The following SCARB1 variants were observed in gnomAD, a reference collection of about 807,000 sequenced individuals.
The protein encoded by SCARB1 is scavenger receptor class B member 1.
Under a neutral mutation model 57.2 loss-of-function variants are expected in SCARB1, and 30 were observed. The observed-to-expected ratio is 0.52, with a 90% CI of 0.39 to 0.71. SCARB1 has a LOEUF of 0.71. Among genes scored for constraint, SCARB1 ranks in the 30% least tolerant of loss-of-function variants. The pLI, the probability that SCARB1 is intolerant of heterozygous loss-of-function variation, is 0.00. For missense variants in SCARB1, 543 were observed against 671.2 expected, an observed-to-expected ratio of 0.81 and a Z score of 2.11; for synonymous variants, 249 against 268.3, an observed-to-expected ratio of 0.93 and a Z score of 0.70.
chr12:124,804,919 A>C (rs1950270540), intron 7 of SCARB1, among the ~76,000 whole-genome samples: 1 of 152,218 alleles, frequency 6.6e-6, no homozygotes, highest in Admixed American at 6.5e-5. Flanking sequence ...TCAATTTCCT[A>C]AGTACAGAAC....
chr12:124,816,044 C>T (rs1950701528), intron 2 of SCARB1, among the ~76,000 whole-genome samples: 1 of 152,160 alleles, frequency 6.6e-6, no homozygotes, highest in African/African-American at 2.4e-5. Flanking sequence ...AGCCTTCAGA[C>T]CTTTGCACAT....
chr12:124,799,132 T>C (rs1418082434), intron 8 of SCARB1, among the ~76,000 whole-genome samples: 1 of 152,236 alleles, frequency 6.6e-6, no homozygotes, highest in Admixed American at 6.5e-5. Flanking sequence ...GTAATGCATA[T>C]GTTAATTGGC....
In SCARB1 at chr12:124,810,482, C is replaced by T. The variant is rs61762481; in HGVS notation, c.727-193G>A. Among the ~76,000 whole-genome samples the T allele has an allele frequency of 0.064, 9,720 of 152,232 alleles. 368 individuals are homozygous for T. Among genetic ancestry groups the T allele is most frequent in the African/African-American group, 0.1 (4,247 of 41,534 alleles). ...TACCACAGCTTCCCCCTCCCAGACC[C>T]CTGAATGTGTAACTTCGCTAGGGAC... On this transcript the variant is annotated intron_variant, in intron 5 of 12. Coordinates refer to ENST00000261693, the MANE Select transcript of SCARB1 (RefSeq NM_005505.5). The surrounding 1 kb of genome is among the most constrained non-coding windows in gnomAD (Gnocchi z 4.0).
At chr12:124,855,447 A>G (rs1952588369) in intron 1 of SCARB1, among the ~76,000 whole-genome samples, 1 of 152,198 alleles carries the variant, frequency 6.6e-6, no homozygotes, top group Non-Finnish European at 1.5e-5. Flanking sequence ...TTAAGGCTTC[A>G]AAGTCAAGAA....
intron 7 of SCARB1, among the ~76,000 whole-genome samples, chr12:124,802,168 CAT>C (rs1950157126): frequency 1.5e-5 from 2 of 133,160 alleles, no homozygotes; most frequent in African/African-American, 2.7e-5. Flanking sequence ...AAAAAAAAGA[CAT>C]AGTTAAAAAA....
At chr12:124,809,662 T>C (rs1950452816) in intron 6 of SCARB1, among the ~76,000 whole-genome samples, 1 of 152,138 alleles carries the variant, frequency 6.6e-6, no homozygotes, top group Admixed American at 6.5e-5. Flanking sequence ...CATGAGTGAA[T>C]TCCTAAGTAA....
At position 124,778,248 on chromosome 12, in the gene SCARB1, C is replaced by T. The variant is rs185476302; in HGVS notation, c.*339G>A. 13 of 407,682 alleles carry T rather than the reference C, an allele frequency of 3.2e-5. No individual in the cohort carries two copies. The highest frequency in any genetic ancestry group is 5.5e-5 in the Non-Finnish European group (13 of 236,956). 25.3% of individuals were successfully genotyped at this position (407,682 alleles called of 1,614,324 possible). On this transcript the variant is annotated 3_prime_UTR_variant, in exon 13 of 13. Transcript: ENST00000261693. ...ACGGCTGAACGGGACAGGCCAGGCTCACCCGAGGAAGGGGACGCAGGACCC... is the reference window on the plus strand; with the variant it reads ...ACGGCTGAACGGGACAGGCCAGGCTTACCCGAGGAAGGGGACGCAGGACCC...
At chr12:124,845,430 C>G (rs1206665976) in intron 1 of SCARB1, among the ~76,000 whole-genome samples, 1 of 151,318 alleles carries the variant, frequency 6.6e-6, no homozygotes, top group African/African-American at 2.4e-5. Flanking sequence ...CACGGTGGCT[C>G]AGGCCTGTAA....
intron 1 of SCARB1, among the ~76,000 whole-genome samples, chr12:124,849,764 C>T (rs191794482): frequency 6.6e-6 from 1 of 152,350 alleles, no homozygotes; most frequent in East Asian, 1.9e-4. Flanking sequence ...ATGAAACTTT[C>T]CCCGTTAGAG....
At chr12:124,838,962 A>T (rs891023892) in intron 1 of SCARB1, among the ~76,000 whole-genome samples, 4 of 151,666 alleles carry the variant, frequency 2.6e-5, no homozygotes, top group African/African-American at 9.7e-5. Context: ...TTTAGTAGAG[A>T]CGGGGTTTCA....
At position 124,811,927 on chromosome 12, in the gene SCARB1, C is replaced by T. The variant is rs780178642; in HGVS notation, c.669G>A (p.Thr223=). 8.7e-6 allele frequency: 14 copies of T among 1,613,292 alleles called. No individual in the cohort carries two copies. Among genetic ancestry groups the T allele is most frequent in the Non-Finnish European group, 1.2e-5 (14 of 1,179,692 alleles). ...NSDSGLFTVF[T]GVQNISRIHL... ...GGATCCTGCTGATGTTCTGGACCCC[C>T]GTGAACACCGTGAAGAGCCCAGAGT... Residue 223 remains threonine, a synonymous_variant, in exon 5 of 13, where the codon ACG becomes ACA. Coordinates refer to ENST00000261693, the MANE Select transcript of SCARB1 (RefSeq NM_005505.5).
chr12:124,818,211 G>A (rs1950817071), intron 1 of SCARB1, among the ~76,000 whole-genome samples: 1 of 152,218 alleles, frequency 6.6e-6, no homozygotes, highest in Admixed American at 6.5e-5. Context: ...TACCATAGCG[G>A]AGGAAAGGCA....
chr12:124,817,647 AG>A lies in SCARB1; in HGVS notation c.186del (p.Phe63SerfsTer11). 1 of 1,614,204 alleles carries A rather than the reference AG, an allele frequency of 6.2e-7. No individual in the cohort carries two copies. The highest frequency in any genetic ancestry group is 1.1e-5 in the South Asian group (1 of 91,088). ...SFNMWKEIPI[P>X]FYLSVYFFDV... is the part of the protein sequence containing the mutation. ...TCAAAGAAGTAGACGGAGAGATAGA[AG>A]GGGATAGGGATCTCCTTCCACATGT... On this transcript the variant is annotated frameshift_variant, in exon 2 of 13. Coordinates refer to ENST00000261693, the MANE Select transcript of SCARB1 (RefSeq NM_005505.5). LOFTEE classifies it high-confidence loss of function. The surrounding 1 kb of genome is among the most constrained non-coding windows in gnomAD (Gnocchi z 4.8).
In SCARB1 at chr12:124,827,123, G is replaced by A. The variant is rs972202156; in HGVS notation, c.127-9416C>T. Among the ~76,000 whole-genome samples, 3 of 152,270 alleles carry A rather than the reference G, an allele frequency of 2.0e-5. No individual in the cohort carries two copies. The East Asian group carries it at 5.8e-4, about 29-fold the overall frequency. The stretch of plus-strand genomic sequence containing the variant: ...TCCAACTGTAGCAGGACAAGTCACA[G>A]ACAAAACTCCTCAGACACCGGATTA... On this transcript the variant is annotated intron_variant, in intron 1 of 12. Transcript: ENST00000261693.
chr12:124,860,301 G>C (rs1388640057), intron 1 of SCARB1, among the ~76,000 whole-genome samples: 1 of 152,200 alleles, frequency 6.6e-6, no homozygotes, highest in Admixed American at 6.5e-5. Context: ...AAGAAATTCA[G>C]TCTAAAGAAG....
At chr12:124,816,463 G>A (rs574277771) in intron 2 of SCARB1, among the ~76,000 whole-genome samples, 14 of 152,200 alleles carry the variant, frequency 9.2e-5, no homozygotes, top group Non-Finnish European at 1.8e-4. Flanking sequence ...TTAAATGAAC[G>A]AGCGAATGAG....
At chr12:124,856,216 A>G (rs2135848634) in intron 1 of SCARB1, among the ~76,000 whole-genome samples, 1 of 152,356 alleles carries the variant, frequency 6.6e-6, no homozygotes, top group Admixed American at 6.5e-5. Context: ...ACGTGTGTTC[A>G]TGTGTGTCCA....
chr12:124,808,835 AAAAC>A (rs1950414445), intron 6 of SCARB1, among the ~76,000 whole-genome samples: 1 of 148,546 alleles, frequency 6.7e-6, no homozygotes, highest in Admixed American at 6.6e-5. Context: ...GCTAGCAAAA[AAAAC>A]AAAAAAAAAA....
chr12:124,860,623 T>G (rs1190123488), intron 1 of SCARB1, among the ~76,000 whole-genome samples: 1 of 152,242 alleles, frequency 6.6e-6, no homozygotes, highest in Admixed American at 6.5e-5. Flanking sequence ...AATTTGGCCG[T>G]AATCATCAAA....
Sources: allele counts gnomAD v4.1 joint callset (sites outside exome capture counted in the v4.1 genomes callset), GRCh38; gene constraint gnomAD v4.1.1; non-coding constraint Gnocchi (gnomAD v3.1); transcripts MANE v1.5; gene names NCBI Gene and HGNC (gene_info 2026-07-23, HGNC 2026-07-21).